The following DISP1 variants were observed in gnomAD, a reference collection of about 807,000 sequenced individuals.
The protein encoded by DISP1 is dispatched RND transporter family member 1.
Under a neutral mutation model 37.3 loss-of-function variants are expected in DISP1, and 30 were observed. The observed-to-expected ratio is 0.80, with a 90% CI of 0.60 to 1.09. The LOEUF (loss-of-function observed/expected upper bound fraction) is 1.09, where lower values mean the gene tolerates loss of function less well. Ranked by LOEUF, DISP1 falls within the 50% of genes least tolerant of loss-of-function variation. DISP1 has a pLI of 0.00. For missense variants in DISP1, 1,598 were observed against 1,879.5 expected (o/e 0.85, Z 2.77); for synonymous variants, 634 against 690.2 (o/e 0.92, Z 1.28).
chr1:222,975,667 C>T (rs182944604), intron 3 of DISP1, among the ~76,000 whole-genome samples: 1 of 152,256 alleles, frequency 6.6e-6, no homozygotes, highest in African/African-American at 2.4e-5. Flanking sequence ...TTTACAGTCT[C>T]ATTAGTTGTC....
intron 2 of DISP1, among the ~76,000 whole-genome samples, chr1:222,932,933 T>G (rs2125461217): frequency 6.6e-6 from 1 of 152,096 alleles, no homozygotes; most frequent in Middle Eastern, 3.4e-3. Context: ...TTGAAAGAGA[T>G]AAACTTCATT....
At chr1:222,928,908 A>G (rs1369057694) in intron 2 of DISP1, among the ~76,000 whole-genome samples, 1 of 152,192 alleles carries the variant, frequency 6.6e-6, no homozygotes. Flanking sequence ...TTATTTAACT[A>G]CTATCTAAAA....
At chr1:222,903,215 A>G (rs990084554) in intron 1 of DISP1, among the ~76,000 whole-genome samples, 11 of 148,896 alleles carry the variant, frequency 7.4e-5, no homozygotes, top group African/African-American at 1.5e-4. Context: ...ACCAAACACC[A>G]CATGTTCTCA....
chr1:222,853,422 T>C (rs1303101941), intron 1 of DISP1, among the ~76,000 whole-genome samples: 1 of 152,126 alleles, frequency 6.6e-6, no homozygotes, highest in Non-Finnish European at 1.5e-5. Context: ...AAAGGAAATA[T>C]CAATGAGACA....
chr1:222,955,652 G>GCC (rs1558354923), intron 3 of DISP1, among the ~76,000 whole-genome samples: 1 of 152,126 alleles, frequency 6.6e-6, no homozygotes, highest in South Asian at 2.1e-4. Context: ...ATGGAGAGGG[G>GCC]CCAGGAGACT....
intron 2 of DISP1, among the ~76,000 whole-genome samples, chr1:222,933,972 T>C (rs1443558799): frequency 6.6e-6 from 1 of 152,090 alleles, no homozygotes; most frequent in African/African-American, 2.4e-5. Context: ...TTTTTAAGTT[T>C]GCATAATATG....
intron 1 of DISP1, among the ~76,000 whole-genome samples, chr1:222,926,603 A>G (rs1371275081): frequency 6.6e-6 from 1 of 152,114 alleles, no homozygotes; most frequent in African/African-American, 2.4e-5. Flanking sequence ...TTCTTTTTAA[A>G]GATATATTTA....
intron 3 of DISP1, among the ~76,000 whole-genome samples, chr1:222,968,530 G>A (rs762268113): frequency 3.0e-4 from 45 of 152,094 alleles, no homozygotes; most frequent in Non-Finnish European, 5.1e-4. Flanking sequence ...GCCAGACTCT[G>A]GAAATTCAAT....
intron 1 of DISP1, among the ~76,000 whole-genome samples, chr1:222,840,129 C>T (rs530366692): frequency 6.6e-6 from 1 of 152,146 alleles, no homozygotes; most frequent in Admixed American, 6.5e-5. Flanking sequence ...CATATGGGTA[C>T]CAAAAGTATG....
rs535076691 is a variant in DISP1, at chr1:222,969,080, C to G, written c.510-14000C>G. ...ATTGTAAAAGCAGTCATAGAAATTA[C>G]TAAGAAAATGCTGGGCACGGTGGCT... On this transcript the variant is annotated intron_variant, in intron 3 of 8. Transcript: ENST00000675850. Among the ~76,000 whole-genome samples, 3 of 151,798 alleles carry G rather than the reference C, an allele frequency of 2.0e-5. No homozygotes were observed. The South Asian group carries it at 6.2e-4, about 32-fold the overall frequency.
intron 1 of DISP1, among the ~76,000 whole-genome samples, chr1:222,840,280 C>A (rs1005015834): frequency 1.6e-4 from 24 of 152,074 alleles, no homozygotes; most frequent in Admixed American, 1.1e-3. Context: ...CTCACTCTGT[C>A]ACCCAGGCTG....
intron 1 of DISP1, among the ~76,000 whole-genome samples, chr1:222,919,565 G>A (rs1434221615): frequency 3.3e-5 from 5 of 152,118 alleles, no homozygotes; most frequent in African/African-American, 1.2e-4. Context: ...TTTGTTTTAA[G>A]TTTTCATTTC....
At chr1:222,836,785 A>G (rs980163336) in intron 1 of DISP1, 17 of 243,180 alleles carry the variant, frequency 7.0e-5, no homozygotes, top group African/African-American at 3.7e-4. Context: ...ACACACACCT[A>G]TTGTTATTTA....
At chr1:222,869,108 G>C (rs1669371280) in intron 1 of DISP1, among the ~76,000 whole-genome samples, 1 of 152,054 alleles carries the variant, frequency 6.6e-6, no homozygotes, top group Non-Finnish European at 1.5e-5. Flanking sequence ...ATAAACTCCT[G>C]CATTTTGTGA....
intron 1 of DISP1, among the ~76,000 whole-genome samples, chr1:222,855,053 A>G (rs1178291408): frequency 2.0e-5 from 3 of 152,184 alleles, no homozygotes; most frequent in Admixed American, 6.5e-5. Context: ...TCCTTTAACT[A>G]AGGAACTTCT....
At chr1:222,903,395 A>G (rs1357813342) in intron 1 of DISP1, among the ~76,000 whole-genome samples, 1 of 151,852 alleles carries the variant, frequency 6.6e-6, no homozygotes, top group East Asian at 1.9e-4. Flanking sequence ...ATATGTATAC[A>G]TATGTAACTA....
chr1:222,976,134 A>G (rs1044757464), intron 3 of DISP1, among the ~76,000 whole-genome samples: 3 of 152,196 alleles, frequency 2.0e-5, no homozygotes, highest in South Asian at 2.1e-4. Flanking sequence ...GAATGCTGGA[A>G]AAAGATAGTT....
At chr1:222,920,987 C>G (rs991209807) in intron 1 of DISP1, among the ~76,000 whole-genome samples, 2 of 152,116 alleles carry the variant, frequency 1.3e-5, no homozygotes, top group Admixed American at 1.3e-4. Context: ...TTCTAAGACA[C>G]TTTATCACAG....
At chr1:222,928,828 G>A (rs1322861800) in intron 2 of DISP1, among the ~76,000 whole-genome samples, 1 of 152,040 alleles carries the variant, frequency 6.6e-6, no homozygotes, top group Non-Finnish European at 1.5e-5. Context: ...TTGTTAAAAT[G>A]TCATGTCTTT....
Sources: gnomAD v4.1 joint callset for allele counts (sites outside exome capture counted in the v4.1 genomes callset) on GRCh38, gnomAD v4.1.1 for gene constraint, MANE v1.5 for transcripts, NCBI Gene and HGNC (gene_info 2026-07-23, HGNC 2026-07-21) for gene names.